Variants in RBM12B observed in about 807,000 individuals in gnomAD.
RBM12B encodes the protein RNA-binding protein 12B.
A neutral mutation model predicts 34.3 loss-of-function variants in RBM12B; 10 were observed. The observed-to-expected ratio is 0.29, with a 90% CI of 0.18 to 0.49. RBM12B has a LOEUF of 0.49. RBM12B is among the 20% of genes least tolerant of loss of function. The pLI is 0.99. For missense variants in RBM12B, 1,139 were observed against 1,262.7 expected (o/e 0.90, Z 1.48); for synonymous variants, 477 against 437.1 (o/e 1.09, Z -1.14).
At position 93,734,582 on chromosome 8, in the gene RBM12B, T is replaced by C; in HGVS notation, c.1829A>G (p.Asp610Gly). 6.2e-7 allele frequency: 1 copy of C among 1,613,506 alleles called. No homozygotes were observed. Among genetic ancestry groups the C allele is most frequent in the Non-Finnish European group, 8.5e-7 (1 of 1,179,784 alleles). The change falls in exon 4 of 4, where the codon GAC becomes GGC. Residue 610 changes from aspartate to glycine, a missense_variant. Around this residue, in one of 3 missense-constraint regions of RBM12B, gnomAD observed 863 missense variants for 869.5 expected, o/e 0.99. Coordinates refer to ENST00000520560, the MANE Select transcript of RBM12B (RefSeq NM_001377960.1). ...GTCCTCCTCCCTAGGGTGCCTGAAG[T>C]CATCCTCCGGAGGGCGCCTGAAATC... is the stretch of plus-strand genomic sequence containing the variant. ...EEDFRRPPED[D>G]FRHPREEDWR... is the part of the protein sequence containing the mutation.
rs1217898311 is a variant in RBM12B, at chr8:93,733,912, T to C, written c.2499A>G (p.Glu833=). 2 of 1,612,508 alleles carry C rather than the reference T, an allele frequency of 1.2e-6. No individual in the cohort carries two copies. The highest frequency in any genetic ancestry group is 2.2e-5 in the South Asian group (2 of 90,972). The change falls in exon 4 of 4, where the codon GAA becomes GAG. Residue 833 remains glutamate, a synonymous_variant. Coordinates refer to ENST00000520560, the MANE Select transcript of RBM12B (RefSeq NM_001377960.1). ...PDEDFRSPQE[E]DFRCPSDEDF... ...CCTCATCAGAAGGGCATCTAAAATCTTCCTCCTGGGGGCTCCTGAAGTCCT... is the reference window on the plus strand; with the variant it reads ...CCTCATCAGAAGGGCATCTAAAATCCTCCTCCTGGGGGCTCCTGAAGTCCT...
rs1252869591 is a variant in RBM12B, at chr8:93,729,636, T to C, written c.*3769A>G. On this transcript the variant is annotated 3_prime_UTR_variant, in exon 4 of 4. Coordinates refer to ENST00000520560, the MANE Select transcript of RBM12B (RefSeq NM_001377960.1). ...CTATCCATGAAAATACTTTCATTAA[T>C]GTAAAATTTTCATTATTTAGACCAG... 3 of 152,240 alleles carry C rather than the reference T, an allele frequency of 2.0e-5. No homozygotes were observed. The highest frequency in any genetic ancestry group is 6.5e-5 in the Admixed American group (1 of 15,288). The allele number at this position is 152,240 out of a possible 1,614,324, so 9.4% of individuals were successfully genotyped here.
At chr8:93,736,711 C>T (rs1459729659) in intron 3 of RBM12B, among the ~76,000 whole-genome samples, 1 of 152,208 alleles carries the variant, frequency 6.6e-6, no homozygotes, top group Admixed American at 6.5e-5. Flanking sequence ...TCAAATCTTC[C>T]TTTGTAAGTC....
Position 93,734,849 on chromosome 8 carries a change from A to G in RBM12B, c.1562T>C (p.Val521Ala), listed in dbSNP as rs765766943. The G allele has an allele frequency of 3.7e-6, 6 of 1,614,108 alleles. No homozygotes were observed. The highest frequency in any genetic ancestry group is 1.7e-5 in the Admixed American group (1 of 60,014). Residue 521 changes from valine (V) to alanine (A), a missense_variant, in exon 4 of 4, where the codon GTT becomes GCT. Physicochemically the swap from Val to Ala is moderately conservative, Grantham distance 64. Coordinates refer to ENST00000520560, the MANE Select transcript of RBM12B (RefSeq NM_001377960.1). The stretch of plus-strand genomic sequence containing the variant: ...ATGTCTAAAGTTTTCAAAAGCACCA[A>G]CTGAGTATATTGGTGGGTCTTTTGA... Reference protein sequence around the residue: ...FDSKDPPIYSVGAFENFRHQL... With the variant: ...FDSKDPPIYSAGAFENFRHQL...
In RBM12B at chr8:93,729,635, A is replaced by T. The variant is rs2130412533; in HGVS notation, c.*3770T>A. On this transcript the variant is annotated 3_prime_UTR_variant, in exon 4 of 4. Transcript: ENST00000520560. ...ACTATCCATGAAAATACTTTCATTA[A>T]TGTAAAATTTTCATTATTTAGACCA... 1 of 152,342 alleles carries T rather than the reference A, an allele frequency of 6.6e-6. No homozygotes were observed. Among genetic ancestry groups the T allele is most frequent in the Middle Eastern group, 3.4e-3 (1 of 294 alleles). The allele number at this position is 152,342 out of a possible 1,614,324, so 9.4% of individuals were successfully genotyped here.
At position 93,733,749 on chromosome 8, in the gene RBM12B, A is replaced by G. The variant is rs1281939805; in HGVS notation, c.2662T>C (p.Phe888Leu). 6.2e-7 allele frequency: 1 copy of G among 1,614,026 alleles called. No individual in the cohort carries two copies. The highest frequency in any genetic ancestry group is 2.2e-5 in the East Asian group (1 of 44,894). ...AACTTGCCACCTTCTGGGCGACCAA[A>G]ATTCACAAAAGGGCGGTGACTTCTA... is the stretch of plus-strand genomic sequence containing the variant. ...DFRSHRPFVN[F>L]GRPEGGKFDF... Residue 888 changes from phenylalanine to leucine, a missense_variant, in exon 4 of 4, where the codon TTT becomes CTT. Physicochemically the swap from Phe to Leu is conservative, Grantham distance 22. Coordinates refer to ENST00000520560, the MANE Select transcript of RBM12B (RefSeq NM_001377960.1).
rs1006070800 is a variant in RBM12B, at chr8:93,731,072, A to G, written c.*2333T>C. On this transcript the variant is annotated 3_prime_UTR_variant, in exon 4 of 4. Transcript: ENST00000520560. ...GCTCTCAGGAGGCTGAGGCAGGAAG[A>G]CAGCTTGAGCCCAGGAGTTAGAAGC... 1.3e-5 allele frequency: 2 copies of G among 152,368 alleles called. No homozygotes were observed. The highest frequency in any genetic ancestry group is 4.8e-5 in the African/African-American group (2 of 41,562). The allele number at this position is 152,368 out of a possible 1,614,324, so 9.4% of individuals were successfully genotyped here.
chr8:93,740,369 G>A (rs762900529), intron 2 of RBM12B: 11 of 457,268 alleles, frequency 2.4e-5, no homozygotes, highest in Non-Finnish European at 4.4e-5. Context: ...TTTCGCGCCA[G>A]GCCAAAGTTG....
At chr8:93,738,583 C>T (rs943003016) in intron 2 of RBM12B, among the ~76,000 whole-genome samples, 1 of 152,158 alleles carries the variant, frequency 6.6e-6, no homozygotes, top group Non-Finnish European at 1.5e-5. Flanking sequence ...CCACCTCAGC[C>T]TCCCCAGTAG....
In RBM12B at chr8:93,728,326, G is replaced by T. The variant is rs1357325180; in HGVS notation, c.*5079C>A. 2.1e-6 allele frequency: 3 copies of T among 1,421,902 alleles called. No individual in the cohort carries two copies. Among genetic ancestry groups the T allele is most frequent in the African/African-American group, 2.9e-5 (2 of 69,072 alleles). 88.1% of individuals were successfully genotyped at this position (1,421,902 alleles called of 1,614,324 possible). ...ACACATTTCCATTTTCATCATAAAT[G>T]ACTTGAAATCCACAATGACTAAATT... On this transcript the variant is annotated 3_prime_UTR_variant, in exon 4 of 4. Coordinates refer to ENST00000520560, the MANE Select transcript of RBM12B (RefSeq NM_001377960.1).
rs1811934889 is a variant in RBM12B at position 93,734,462 on chromosome 8, T to A, written c.1949A>T (p.Asp650Val). Residue 650 changes from aspartate (D) to valine (V), a missense_variant, in exon 4 of 4, where the codon GAC becomes GTC. Physicochemically the swap from Asp to Val is radical, Grantham distance 152. Around this residue, in one of 3 missense-constraint regions of RBM12B, gnomAD observed 863 missense variants for 869.5 expected, o/e 0.99. Transcript: ENST00000520560. ...TEDFRQLPEE[D>V]FRQPPEEDLR... ...GTCCTCCTCAGGGGGTTGCCTGAAG[T>A]CCTCCTCGGGGAGCTGCCTGAAGTC... 6.2e-7 allele frequency: 1 copy of A among 1,605,478 alleles called. No individual in the cohort carries two copies. Among genetic ancestry groups the A allele is most frequent in the Admixed American group, 1.7e-5 (1 of 59,334 alleles).
At chr8:93,736,493 C>A in intron 3 of RBM12B, 55 bp from the exon 4 acceptor site, 1 of 1,351,300 alleles carries the variant, frequency 7.4e-7, no homozygotes, top group South Asian at 1.8e-5. Context: ...GTACCTTAGC[C>A]CAAACTAAGC....
Position 93,740,924 on chromosome 8 carries a change from C to CA in RBM12B, c.-190_-189insT. On this transcript the variant is annotated 5_prime_UTR_variant, in exon 1 of 4. It adds an upstream start codon to the 5' untranslated region. Transcript: ENST00000520560. ...CACACAAGGCCGGAGGCTGAGGGAA[C>CA]TCTTCGTCGCAGCAGCCTCCCCAAA... 1 of 231,238 alleles carries CA rather than the reference C, an allele frequency of 4.3e-6. No homozygotes were observed. The highest frequency in any genetic ancestry group is 5.2e-5 in the Admixed American group (1 of 19,070). 14.3% of individuals were successfully genotyped at this position (231,238 alleles called of 1,614,324 possible). A position where few individuals can be genotyped will look rare whatever the true frequency, so the allele number is the denominator to read the frequency against.
Position 93,728,836 on chromosome 8 carries a change from A to G in RBM12B, c.*4569T>C, listed in dbSNP as rs1236780616. On this transcript the variant is annotated 3_prime_UTR_variant, in exon 4 of 4. Transcript: ENST00000520560. The stretch of plus-strand genomic sequence containing the variant: ...AAGATAATGTGACACTAAGTTATCA[A>G]TGTTTTATGAATACACATAAGGCAT... The G allele has an allele frequency of 2.0e-5, 3 of 152,126 alleles. No individual in the cohort carries two copies. Among genetic ancestry groups the G allele is most frequent in the Non-Finnish European group, 4.4e-5 (3 of 67,966 alleles). The allele number at this position is 152,126 out of a possible 1,614,324, so 9.4% of individuals were successfully genotyped here.
chr8:93,740,142 T>C (rs1812150613), intron 2 of RBM12B: 2 of 367,902 alleles, frequency 5.4e-6, no homozygotes, highest in South Asian at 2.1e-5. Context: ...CCCATAATTA[T>C]TCTTTACGAT....
chr8:93,740,503 C>T (rs1252235019), intron 2 of RBM12B, 126 bp downstream of exon 2: 1 of 457,138 alleles, frequency 2.2e-6, no homozygotes, highest in African/African-American at 2.0e-5. Flanking sequence ...CACCCTAACT[C>T]GCCAGAGGGT....
In RBM12B at chr8:93,735,966, G is replaced by A. The variant is rs762173553; in HGVS notation, c.445C>T (p.Pro149Ser). ...AAGTAAGGATTCTCGGCCTTCAATG[G>A]CCTTGTCTTTCTTGGCCTTAAATTA... The part of the protein sequence containing the change: ...HGNLRPRKTR[P>S]LKAENPYLFL... Residue 149 changes from proline to serine, a missense_variant, in exon 4 of 4, where the codon CCA (proline) becomes TCA (serine). This residue lies in a region of RBM12B where 216 missense variants were observed against 292.2 expected (regional missense o/e 0.74). Coordinates refer to ENST00000520560, the MANE Select transcript of RBM12B (RefSeq NM_001377960.1). 21 of 1,614,134 alleles carry A rather than the reference G, an allele frequency of 1.3e-5. 2 individuals are homozygous for A. Among genetic ancestry groups the A allele is most frequent in the South Asian group, 8.8e-5 (8 of 91,074 alleles).
Position 93,733,485 on chromosome 8 carries a change from A to C in RBM12B, c.2926T>G (p.Tyr976Asp). The stretch of plus-strand genomic sequence containing the variant: ...TTAATAGCAGCCATAGCTTCATTAT[A>C]GTTTATCATAGCAACAATGGCTTCC... Reference protein sequence around the residue: ...TGEAIVAMINYNEAMAAIKDL... With the variant: ...TGEAIVAMINDNEAMAAIKDL... Residue 976 changes from tyrosine to aspartate, a missense_variant, in exon 4 of 4, where the codon TAT (tyrosine) becomes GAT (aspartate). Physicochemically the swap from Tyr to Asp is radical, Grantham distance 160. This residue lies in a region of RBM12B where 60 missense variants were observed against 101.0 expected (regional missense o/e 0.59). Transcript: ENST00000520560. 1 of 1,603,992 alleles carries C rather than the reference A, an allele frequency of 6.2e-7. No homozygotes were observed. The highest frequency in any genetic ancestry group is 1.1e-5 in the South Asian group (1 of 90,108).
chr8:93,734,191 C>G lies in RBM12B; in HGVS notation c.2220G>C (p.Arg740=). ...HFRRPPPEHF[R]RPPPEHFRRP... The stretch of plus-strand genomic sequence containing the variant: ...GCCTAAAATGCTCTGGAGGTGGTCT[C>G]CGGAAATGCTCTGGGGGTGGCCGAC... Residue 740 remains arginine (R), a synonymous_variant, in exon 4 of 4, where the codon CGG becomes CGC. Coordinates refer to ENST00000520560, the MANE Select transcript of RBM12B (RefSeq NM_001377960.1). 1 of 1,583,104 alleles carries G rather than the reference C, an allele frequency of 6.3e-7. No individual in the cohort carries two copies. The highest frequency in any genetic ancestry group is 8.6e-7 in the Non-Finnish European group (1 of 1,164,622).
Sources: gnomAD v4.1 joint callset for allele counts (sites outside exome capture counted in the v4.1 genomes callset) on GRCh38, gnomAD v4.1.1 for gene constraint, gnomAD v4.1.1 regional missense constraint, MANE v1.5 for transcripts, NCBI Gene and HGNC (gene_info 2026-07-23, HGNC 2026-07-21) for gene names.